Variants in FGF14 observed in about 807,000 individuals in gnomAD.
FGF14 encodes fibroblast growth factor 14, also known as fibroblast growth factor homologous factor 4.
In FGF14, 5 loss-of-function variants were observed where a neutral mutation model predicts 25.5. That is an observed-to-expected ratio of 0.20 (90% confidence interval 0.10 to 0.41). The LOEUF is 0.41. FGF14 is among the 10% of genes least tolerant of loss of function. FGF14 has a pLI of 1.00. For synonymous variants in FGF14, 138 were observed against 118.3 expected (o/e 1.17, Z -1.08); for missense variants, 222 against 320.1 (o/e 0.69, Z 2.34).
intron 1 of FGF14, among the ~76,000 whole-genome samples, chr13:102,033,753 C>G (rs186444432): frequency 2.0e-5 from 3 of 152,254 alleles, no homozygotes; most frequent in Admixed American, 2.0e-4. Flanking sequence ...GCATTTATAT[C>G]AATTTTAAAG....
chr13:102,108,535 G>A (rs536996625), intron 1 of FGF14, among the ~76,000 whole-genome samples: 25 of 152,286 alleles, frequency 1.6e-4, no homozygotes, highest in Non-Finnish European at 3.4e-4. Flanking sequence ...TCTTTCTAAA[G>A]ATTCTTAGCC....
chr13:102,035,215 T>TGCAA (rs1231401941), intron 1 of FGF14, among the ~76,000 whole-genome samples: 1 of 152,106 alleles, frequency 6.6e-6, no homozygotes, highest in African/African-American at 2.4e-5. Context: ...TCTAAGGATA[T>TGCAA]GCAAGGGTGA....
At chr13:101,797,275 A>G (rs1405929495) in intron 3 of FGF14, among the ~76,000 whole-genome samples, 2 of 152,068 alleles carry the variant, frequency 1.3e-5, no homozygotes, top group African/African-American at 4.8e-5. Flanking sequence ...TATACGGGTT[A>G]AGTTTATTTA....
intron 1 of FGF14, among the ~76,000 whole-genome samples, chr13:102,033,615 A>G (rs143434448): frequency 6.6e-6 from 1 of 152,246 alleles, no homozygotes; most frequent in Non-Finnish European, 1.5e-5. Flanking sequence ...TGATCTGTAA[A>G]GCTGTTCTCA....
chr13:102,315,168 C>CA (rs2055961248), intron 1 of FGF14, among the ~76,000 whole-genome samples: 1 of 151,934 alleles, frequency 6.6e-6, no homozygotes, highest in East Asian at 1.9e-4. Context: ...CACATGCCTT[C>CA]CCTAATAAAT....
intron 3 of FGF14, among the ~76,000 whole-genome samples, chr13:101,844,448 G>A (rs1011325952): frequency 6.6e-5 from 10 of 151,948 alleles, no homozygotes; most frequent in East Asian, 3.9e-4. Context: ...TTTAAAGCCC[G>A]TTTATCATAA....
chr13:102,150,708 G>T (rs971217158), intron 1 of FGF14, among the ~76,000 whole-genome samples: 3 of 152,174 alleles, frequency 2.0e-5, no homozygotes, highest in African/African-American at 7.2e-5. Context: ...CTTTCTCTTG[G>T]TGTAGACCAG....
At chr13:102,360,874 C>T (rs180728714) in intron 1 of FGF14, among the ~76,000 whole-genome samples, 12 of 151,408 alleles carry the variant, frequency 7.9e-5, no homozygotes, top group African/African-American at 2.9e-4. Context: ...TGTGCGTGCA[C>T]ACACACACAC....
At chr13:102,189,940 T>A (rs1242983632) in intron 1 of FGF14, among the ~76,000 whole-genome samples, 1 of 152,070 alleles carries the variant, frequency 6.6e-6, no homozygotes, top group Non-Finnish European at 1.5e-5. Flanking sequence ...ACCAAAAAGA[T>A]GGTACCAAGC....
At chr13:102,276,332 CGTGTGT>C (rs35937411) in intron 1 of FGF14, among the ~76,000 whole-genome samples, 4 of 108,462 alleles carry the variant, frequency 3.7e-5, no homozygotes, top group African/African-American at 1.1e-4. Context: ...CACACACGTA[CGTGTGT>C]GTGTGTGTGT....
At chr13:102,144,657 T>C (rs77144903) in intron 1 of FGF14, among the ~76,000 whole-genome samples, 8,468 of 152,218 alleles carry the variant, frequency 0.056, 278 homozygotes, top group Middle Eastern at 0.17. Flanking sequence ...TTGTAGAGAA[T>C]TGGAAAAATC....
At chr13:101,782,097 G>C (rs1055401126) in intron 3 of FGF14, among the ~76,000 whole-genome samples, 2 of 152,026 alleles carry the variant, frequency 1.3e-5, no homozygotes, top group South Asian at 4.1e-4. Flanking sequence ...GTCTCCTAAT[G>C]TCTACTGAAT....
chr13:102,352,183 C>A (rs897521454), intron 1 of FGF14, among the ~76,000 whole-genome samples: 8 of 150,812 alleles, frequency 5.3e-5, no homozygotes, highest in Admixed American at 5.3e-4. Context: ...CTGAAAGCTG[C>A]AAGTTTATAG....
At position 101,880,468 on chromosome 13, in the gene FGF14, G is replaced by C. The variant is rs191917108; in HGVS notation, c.194-5172C>G. On this transcript the variant is annotated intron_variant, in intron 1 of 4. Transcript: ENST00000376143. ...TGTAATCCCAGCTATTCTGGAGGCT[G>C]AGGCATGAGAATCGCTTGAACCCGG... 6.8e-3 allele frequency among the ~76,000 whole-genome samples: 1,043 copies of C among 152,292 alleles called. 10 individuals carry two copies. The highest frequency in any genetic ancestry group is 0.013 in the South Asian group (64 of 4,828).
rs1449775295 is a variant in FGF14, at chr13:102,300,940, C to T, written c.208+100531G>A. Among the ~76,000 whole-genome samples the T allele has an allele frequency of 2.2e-3, 214 of 98,602 alleles. 1 individual carries two copies. Among genetic ancestry groups the T allele is most frequent in the African/African-American group, 6.7e-3 (195 of 28,898 alleles). The allele number at this position is 98,602 out of a possible 152,430, so 64.7% of individuals were successfully genotyped here. On this transcript the variant is annotated intron_variant, in intron 1 of 4. Coordinates refer to the FGF14 transcript ENST00000376131. ...ACACAGACACACACACACACACATA[C>T]ACACACACACACACACACACACACG...
intron 1 of FGF14, among the ~76,000 whole-genome samples, chr13:102,148,892 T>C (rs1204835983): frequency 1.3e-5 from 2 of 152,186 alleles, no homozygotes; most frequent in African/African-American, 4.8e-5. Flanking sequence ...AGATAGATGG[T>C]GAGCCTCTTT....
intron 1 of FGF14, among the ~76,000 whole-genome samples, chr13:102,070,951 AACAAAACACAC>A (rs764877635): frequency 0.029 from 3,219 of 111,478 alleles, 137 homozygotes; most frequent in African/African-American, 0.14. Context: ...AACAAAACAA[AACAAAACACAC>A]ACACACACAC....
intron 3 of FGF14, among the ~76,000 whole-genome samples, chr13:101,765,815 T>A (rs1265123913): frequency 6.6e-6 from 1 of 152,046 alleles, no homozygotes; most frequent in Non-Finnish European, 1.5e-5. Context: ...CTGCAACCTC[T>A]GCTACCTGGG....
intron 1 of FGF14, among the ~76,000 whole-genome samples, chr13:102,047,275 T>TAC (rs1422450231): frequency 2.0e-5 from 3 of 152,082 alleles, no homozygotes; most frequent in Non-Finnish European, 4.4e-5. Context: ...ATCCCACACA[T>TAC]ACACATACAT....
Sources: allele counts gnomAD v4.1 joint callset (sites outside exome capture counted in the v4.1 genomes callset), GRCh38; gene constraint gnomAD v4.1.1; transcripts MANE v1.5; gene names NCBI Gene and HGNC (gene_info 2026-07-23, HGNC 2026-07-21).